ADAMTSL1: variants seen among roughly 807,000 people sequenced by gnomAD.
The protein encoded by ADAMTSL1 is ADAMTS-like protein 1.
A neutral mutation model predicts 201.8 loss-of-function variants in ADAMTSL1; 126 were observed. That is an observed-to-expected ratio of 0.62 (90% CI 0.54 to 0.72). The LOEUF (loss-of-function observed/expected upper bound fraction) is 0.72. Among genes scored for constraint, ADAMTSL1 ranks in the 30% least tolerant of loss-of-function variants. ADAMTSL1 has a pLI of 0.00. For synonymous variants in ADAMTSL1, 1,121 were observed against 903.4 expected (o/e 1.24, Z -4.32); for missense variants, 2,679 against 2,277.8 (o/e 1.18, Z -3.59).
intron 19 of ADAMTSL1, among the ~76,000 whole-genome samples, chr9:18,783,038 G>T (rs1186532872): frequency 3.3e-5 from 5 of 152,166 alleles, no homozygotes; most frequent in East Asian, 1.9e-4. Context: ...TTTGCATTTT[G>T]CAGATTCACA....
At chr9:18,193,570 C>T (rs1829056032) in intron 2 of ADAMTSL1, among the ~76,000 whole-genome samples, 1 of 151,844 alleles carries the variant, frequency 6.6e-6, no homozygotes, top group South Asian at 2.1e-4. Flanking sequence ...CTTTGATGTC[C>T]AAATCCAGAT....
At chr9:18,203,600 A>G (rs1829534395) in intron 2 of ADAMTSL1, among the ~76,000 whole-genome samples, 1 of 152,016 alleles carries the variant, frequency 6.6e-6, no homozygotes, top group African/African-American at 2.4e-5. Context: ...ATAGTTGATT[A>G]TATAGTTTAT....
Position 18,777,279 on chromosome 9 carries a change from C to G in ADAMTSL1, c.3050C>G (p.Pro1017Arg). ...KAEKRGLAAN[P>R]GSRYDDLVSR... is the part of the protein sequence containing the mutation. ...GAGAAGCGGGGCCTGGCCGCCAACC[C>G]GGGGAGCCGCTACGACGACCTCGTC... The change falls in exon 19 of 29, where the codon CCG (proline) becomes CGG (arginine). Residue 1017 changes from proline (P) to arginine (R), a missense_variant. Transcript: ENST00000380548. 1 of 1,607,826 alleles carries G rather than the reference C, an allele frequency of 6.2e-7. No homozygotes were observed.
chr9:18,400,176 T>C (rs1218602521), intron 2 of ADAMTSL1, among the ~76,000 whole-genome samples: 4 of 109,704 alleles, frequency 3.6e-5, no homozygotes, highest in African/African-American at 1.3e-4. Context: ...GAACTTAAAG[T>C]ATAATAATAA....
intron 2 of ADAMTSL1, among the ~76,000 whole-genome samples, chr9:18,302,684 A>G (rs1469638636): frequency 6.6e-6 from 1 of 152,198 alleles, no homozygotes; most frequent in Non-Finnish European, 1.5e-5. Flanking sequence ...ATAACAGTCT[A>G]ATAATCCTTT....
At chr9:18,496,812 C>T (rs1028059866) in intron 1 of ADAMTSL1, among the ~76,000 whole-genome samples, 2 of 152,196 alleles carry the variant, frequency 1.3e-5, no homozygotes, top group East Asian at 3.8e-4. Flanking sequence ...TTCATTTCAG[C>T]TCAATTTGCC....
At chr9:18,873,321 T>A (rs1220457916) in intron 23 of ADAMTSL1, among the ~76,000 whole-genome samples, 1 of 152,196 alleles carries the variant, frequency 6.6e-6, no homozygotes, top group Non-Finnish European at 1.5e-5. Context: ...CATCTATTTA[T>A]TTTTGTTTTT....
At chr9:17,930,319 G>A (rs1016417893) in intron 1 of ADAMTSL1, among the ~76,000 whole-genome samples, 1 of 152,112 alleles carries the variant, frequency 6.6e-6, no homozygotes, top group African/African-American at 2.4e-5. Context: ...ACATATGGGG[G>A]AAGGGAATGT....
At chr9:18,563,025 T>G (rs1057296212) in intron 3 of ADAMTSL1, among the ~76,000 whole-genome samples, 1 of 152,190 alleles carries the variant, frequency 6.6e-6, no homozygotes, top group Non-Finnish European at 1.5e-5. Context: ...TGTCAATACA[T>G]CAAACTCATT....
At chr9:18,435,083 A>G (rs1819666800) in intron 2 of ADAMTSL1, among the ~76,000 whole-genome samples, 1 of 152,224 alleles carries the variant, frequency 6.6e-6, no homozygotes, top group African/African-American at 2.4e-5. Flanking sequence ...ATGTCATGGC[A>G]CAGCATTTCC....
intron 7 of ADAMTSL1, among the ~76,000 whole-genome samples, chr9:18,643,241 A>C (rs563251820): frequency 6.6e-6 from 1 of 152,020 alleles, no homozygotes; most frequent in South Asian, 2.1e-4. Context: ...AAGTCTATTC[A>C]GATCCTTTGT....
intron 1 of ADAMTSL1, among the ~76,000 whole-genome samples, chr9:17,963,322 T>A (rs564364654): frequency 1.3e-5 from 2 of 152,204 alleles, no homozygotes; most frequent in South Asian, 4.1e-4. Flanking sequence ...ATGGTTGGAG[T>A]TTTTAAACAT....
chr9:18,565,800 A>G (rs982993580), intron 3 of ADAMTSL1, among the ~76,000 whole-genome samples: 1 of 152,224 alleles, frequency 6.6e-6, no homozygotes, highest in East Asian at 1.9e-4. Flanking sequence ...TTCATTTTAC[A>G]TAGCAGCTAG....
chr9:18,146,467 A>G (rs1483498221), intron 1 of ADAMTSL1, among the ~76,000 whole-genome samples: 2 of 152,192 alleles, frequency 1.3e-5, no homozygotes, highest in African/African-American at 4.8e-5. Flanking sequence ...AGCTAGCCTG[A>G]AAAAGCTACA....
At chr9:18,663,464 G>A (rs1409642066) in intron 9 of ADAMTSL1, among the ~76,000 whole-genome samples, 1 of 152,034 alleles carries the variant, frequency 6.6e-6, no homozygotes, top group Non-Finnish European at 1.5e-5. Context: ...TTAAGGGTTT[G>A]AACTTTTTAG....
At chr9:18,753,227 T>C (rs938365510) in intron 15 of ADAMTSL1, 71 bp from the exon 16 acceptor site, 5 of 1,465,428 alleles carry the variant, frequency 3.4e-6, no homozygotes, top group Non-Finnish European at 4.7e-6. Context: ...TTAACTCCAT[T>C]TGAGTTCATG....
At chr9:18,328,169 G>A (rs7874689) in intron 2 of ADAMTSL1, among the ~76,000 whole-genome samples, 18,483 of 152,208 alleles carry the variant, frequency 0.12, 2,922 homozygotes, top group African/African-American at 0.37. Context: ...CAAAGTGCTT[G>A]CCTGGGTACC....
Position 18,296,706 on chromosome 9 carries a change from G to A in ADAMTSL1, c.207+132725G>A, listed in dbSNP as rs978633731. Among the ~76,000 whole-genome samples, 6 of 152,288 alleles carry A rather than the reference G, an allele frequency of 3.9e-5. No individual in the cohort carries two copies. In the East Asian group the frequency reaches 5.8e-4, roughly 15 times the overall value. ...TTCCTATGTATTTTACTAGTTTAAA[G>A]TCCTTTGCTGGAATAGCTGGCTCTA... On this transcript the variant is annotated intron_variant, in intron 2 of 29. Transcript: ENST00000680146.
chr9:18,687,148 A>G (rs986017054), intron 13 of ADAMTSL1, among the ~76,000 whole-genome samples: 1 of 152,224 alleles, frequency 6.6e-6, no homozygotes, highest in African/African-American at 2.4e-5. Context: ...CTGTAGAATA[A>G]TGTAATGAAA....
Sources: allele counts gnomAD v4.1 joint callset (sites outside exome capture counted in the v4.1 genomes callset), GRCh38; gene constraint gnomAD v4.1.1; transcripts MANE v1.5; gene names NCBI Gene and HGNC (gene_info 2026-07-23, HGNC 2026-07-21).